DDX60L: variants seen among roughly 807,000 people sequenced by gnomAD.
DDX60L encodes DExD/H-box 60 like.
DDX60L carries 191 observed loss-of-function variants against 211.6 expected under a neutral mutation model. The ratio of observed to expected loss-of-function variants is 0.90; its 90% CI spans 0.80 to 1.02. The LOEUF is 1.02. DDX60L is among the 50% of genes least tolerant of loss of function. The pLI is 0.00. For missense variants in DDX60L, 2,007 were observed against 1,984.1 expected, an observed-to-expected ratio of 1.01 and a Z score of -0.22; for synonymous variants, 706 against 694.1, an observed-to-expected ratio of 1.02 and a Z score of -0.27.
intron 26 of DDX60L, among the ~76,000 whole-genome samples, chr4:168,396,503 T>C (rs553280655): frequency 6.6e-6 from 1 of 152,214 alleles, no homozygotes; most frequent in South Asian, 2.1e-4. Flanking sequence ...CATCCCCTGA[T>C]CCCAGTAACT....
At chr4:168,390,850 C>T (rs1254678261) in intron 29 of DDX60L, among the ~76,000 whole-genome samples, 1 of 151,772 alleles carries the variant, frequency 6.6e-6, no homozygotes, top group Non-Finnish European at 1.5e-5. Flanking sequence ...ATCTCTCTTT[C>T]CTCCCTCGCC....
intron 22 of DDX60L, among the ~76,000 whole-genome samples, chr4:168,408,425 TA>T (rs1283524786): frequency 9.2e-5 from 14 of 152,178 alleles, no homozygotes. Context: ...ACTGTATCAC[TA>T]AAAGGATATA....
At chr4:168,383,653 G>A (rs1048211567) in intron 30 of DDX60L, among the ~76,000 whole-genome samples, 2 of 152,064 alleles carry the variant, frequency 1.3e-5, no homozygotes, top group South Asian at 2.1e-4. Flanking sequence ...TTTAGCTCAC[G>A]AGGGGAGTGA....
intron 8 of DDX60L, among the ~76,000 whole-genome samples, chr4:168,451,378 T>C (rs929636553): frequency 2.6e-5 from 4 of 152,224 alleles, no homozygotes; most frequent in African/African-American, 2.4e-5. Flanking sequence ...GTTTTCCTCT[T>C]CAGAATGTTC....
chr4:168,451,755 T>C (rs1755835470), intron 8 of DDX60L, among the ~76,000 whole-genome samples: 1 of 152,200 alleles, frequency 6.6e-6, no homozygotes, highest in Admixed American at 6.5e-5. Context: ...ACAAGTACTA[T>C]ATTGATTTTT....
chr4:168,472,755 T>A lies in DDX60L; in HGVS notation c.-56A>T. The A allele has an allele frequency of 6.3e-7, 1 of 1,594,946 alleles. No individual in the cohort carries two copies. The highest frequency in any genetic ancestry group is 1.1e-5 in the South Asian group (1 of 88,246). On this transcript the variant is annotated 5_prime_UTR_variant, in exon 2 of 38. Transcript: ENST00000682922. ...GAGTAGAGCTGGAATTTATTAAATATGGCTGATTTATTTTGACACCTCTAA... is the reference window on the plus strand; with the variant it reads ...GAGTAGAGCTGGAATTTATTAAATAAGGCTGATTTATTTTGACACCTCTAA...
intron 4 of DDX60L, 60 bp downstream of exon 4, chr4:168,471,686 GT>G: frequency 7.4e-7 from 1 of 1,357,900 alleles, no homozygotes. Flanking sequence ...GGCTCTTTAG[GT>G]TAAGACATTT....
At chr4:168,406,149 T>C in intron 23 of DDX60L, 71 bp from the exon 24 acceptor site, 2 of 1,494,936 alleles carry the variant, frequency 1.3e-6, no homozygotes, top group Non-Finnish European at 1.8e-6. Flanking sequence ...CAATGATGTA[T>C]TTAAGTTTAC....
intron 22 of DDX60L, among the ~76,000 whole-genome samples, chr4:168,412,068 T>G (rs1207858804): frequency 6.6e-6 from 1 of 151,956 alleles, no homozygotes; most frequent in Non-Finnish European, 1.5e-5. Context: ...GGGCCCTGAA[T>G]AAGCAGCAGT....
At chr4:168,386,529 T>C (rs1579299870) in intron 29 of DDX60L, among the ~76,000 whole-genome samples, 2 of 151,694 alleles carry the variant, frequency 1.3e-5, no homozygotes, top group Middle Eastern at 3.4e-3. Context: ...GTACAGAGTA[T>C]TGTCAGCCCC....
intron 7 of DDX60L, among the ~76,000 whole-genome samples, chr4:168,453,694 T>C (rs1208659414): frequency 6.6e-6 from 1 of 152,032 alleles, no homozygotes; most frequent in Admixed American, 6.6e-5. Context: ...GAATGAGAAA[T>C]CGGGGAAGGA....
intron 14 of DDX60L, among the ~76,000 whole-genome samples, chr4:168,424,372 C>A (rs1293859406): frequency 6.6e-6 from 1 of 152,154 alleles, no homozygotes; most frequent in Non-Finnish European, 1.5e-5. Flanking sequence ...ATCTCTATCC[C>A]ACTACTAACC....
intron 1 of DDX60L, among the ~76,000 whole-genome samples, chr4:168,478,297 C>T (rs1579923806): frequency 6.6e-6 from 1 of 151,776 alleles, no homozygotes; most frequent in East Asian, 1.9e-4. Flanking sequence ...GTGTTACCCT[C>T]CCAGGCCAGA....
chr4:168,371,827 A>T, intron 35 of DDX60L, 64 bp from the exon 36 acceptor site: 2 of 1,408,932 alleles, frequency 1.4e-6, no homozygotes, highest in Non-Finnish European at 9.6e-7. Context: ...TTGCAGTTTG[A>T]GATTTCCTTT....
chr4:168,357,535 T>A lies in DDX60L; in HGVS notation c.*612A>T, dbSNP rs1185140770. On this transcript the variant is annotated 3_prime_UTR_variant, in exon 38 of 38. Coordinates refer to ENST00000682922, the MANE Select transcript of DDX60L (RefSeq NM_001012967.3). ...AGAGATTGGAGAACAAGCTCTCTTG[T>A]CTCTCTGTTAAAGGCACTAATTACA... 6.6e-6 allele frequency: 1 copy of A among 152,362 alleles called. No individual in the cohort carries two copies. Among genetic ancestry groups the A allele is most frequent in the Non-Finnish European group, 1.5e-5 (1 of 68,164 alleles). 9.4% of individuals were successfully genotyped at this position (152,362 alleles called of 1,614,324 possible).
At position 168,357,994 on chromosome 4, in the gene DDX60L, A is replaced by C. The variant is rs181720596; in HGVS notation, c.*153T>G. ...CAGATATATTACATAACTTAAAGTC[A>C]TTCAGTTAGAAAATAGCAGAGCTGA... On this transcript the variant is annotated 3_prime_UTR_variant, in exon 38 of 38. Coordinates refer to ENST00000682922, the MANE Select transcript of DDX60L (RefSeq NM_001012967.3). 4.3e-3 allele frequency: 2,883 copies of C among 667,250 alleles called. 11 individuals carry two copies. The highest frequency in any genetic ancestry group is 5.8e-3 in the Admixed American group (181 of 31,380). 41.3% of individuals were successfully genotyped at this position (667,250 alleles called of 1,614,324 possible). A position where few individuals can be genotyped will look rare whatever the true frequency, so the allele number is the denominator to read the frequency against.
intron 29 of DDX60L, chr4:168,390,549 A>G: frequency 7.6e-7 from 1 of 1,317,734 alleles, no homozygotes; most frequent in Non-Finnish European, 1.0e-6. Context: ...GAATAAGAAA[A>G]GAGGAAAATT....
chr4:168,372,138 C>T (rs557826754), intron 35 of DDX60L, among the ~76,000 whole-genome samples: 26 of 152,290 alleles, frequency 1.7e-4, no homozygotes, highest in African/African-American at 5.8e-4. Flanking sequence ...TCATCGTTAT[C>T]TTCATTGGTG....
At chr4:168,420,788 C>T (rs1234642422) in intron 17 of DDX60L, among the ~76,000 whole-genome samples, 1 of 152,100 alleles carries the variant, frequency 6.6e-6, no homozygotes, top group Non-Finnish European at 1.5e-5. Context: ...AGGTAAACCA[C>T]CATTGCTCTG....
Sources: gnomAD v4.1 joint callset for allele counts (sites outside exome capture counted in the v4.1 genomes callset) on GRCh38, gnomAD v4.1.1 for gene constraint, MANE v1.5 for transcripts, NCBI Gene and HGNC (gene_info 2026-07-23, HGNC 2026-07-21) for gene names.